The following ANOS1 variants were observed in gnomAD, a reference collection of about 807,000 sequenced individuals.
ANOS1 encodes the protein anosmin 1, also known as anosmin-1.
A neutral mutation model predicts 59.0 loss-of-function variants in ANOS1; 6 were observed. That is an observed-to-expected ratio of 0.10 (90% CI 0.06 to 0.20). The LOEUF (loss-of-function observed/expected upper bound fraction) is 0.20. Ranked by LOEUF, ANOS1 falls within the 10% of genes least tolerant of loss-of-function variation. The pLI is 1.00. For missense variants in ANOS1, 433 were observed against 542.3 expected, an observed-to-expected ratio of 0.80 and a Z score of 2.00; for synonymous variants, 217 against 223.4, an observed-to-expected ratio of 0.97 and a Z score of 0.25.
At chrX:8,705,800 C>A (rs1215818850) in intron 1 of ANOS1, among the ~76,000 whole-genome samples, 1 of 112,474 alleles carries the variant, frequency 8.9e-6, no homozygotes, top group African/African-American at 3.2e-5. Flanking sequence ...TGGCTTAAAG[C>A]CAACAAAGAT....
chrX:8,577,565 T>C (rs1216863921), intron 6 of ANOS1, among the ~76,000 whole-genome samples: 3 of 112,607 alleles, frequency 2.7e-5, no homozygotes, highest in African/African-American at 9.7e-5. Context: ...CAACGTAAAA[T>C]ATGCTAAATA....
At chrX:8,637,572 C>A (rs1244024107) in intron 2 of ANOS1, among the ~76,000 whole-genome samples, 2 of 112,045 alleles carry the variant, frequency 1.8e-5, no homozygotes, top group Non-Finnish European at 3.8e-5. Context: ...CAGCCAGCAG[C>A]CACATGGGGC....
In ANOS1 at chrX:8,532,657, C is replaced by T. The variant is rs1315997716; in HGVS notation, c.*338G>A. 4.1e-5 allele frequency: 7 copies of T among 172,331 alleles called. No homozygotes were observed. Among genetic ancestry groups the T allele is most frequent in the African/African-American group, 1.2e-4 (4 of 33,631 alleles). The allele number at this position is 172,331 out of a possible 1,213,427, so 14.2% of individuals were successfully genotyped here. The stretch of plus-strand genomic sequence containing the variant: ...GTATTTGTTACTCTCCTTTTTGGGG[C>T]GGAGTTTGGTGCTCCAAATTCAGGG... On this transcript the variant is annotated 3_prime_UTR_variant, in exon 14 of 14. Coordinates refer to ENST00000262648, the MANE Select transcript of ANOS1 (RefSeq NM_000216.4).
intron 6 of ANOS1, among the ~76,000 whole-genome samples, chrX:8,573,346 A>G (rs780753782): frequency 1.8e-5 from 2 of 111,025 alleles, no homozygotes; most frequent in Non-Finnish European, 3.8e-5. Context: ...TACAGATGTG[A>G]GCCACCACGC....
rs1221184223 is a variant in ANOS1 at position 8,604,464 on chromosome X, C to T, written c.319-7208G>A. Among the ~76,000 whole-genome samples the T allele has an allele frequency of 5.3e-5, 6 of 112,232 alleles. No individual in the cohort carries two copies. In the South Asian group the frequency reaches 1.8e-3, roughly 35 times the overall value. ...CATGTTTAGAAATAACCTGAATATTCAAAAATGCAATCTTACACTTCCTGG... is the reference window on the plus strand; with the variant it reads ...CATGTTTAGAAATAACCTGAATATTTAAAAATGCAATCTTACACTTCCTGG... On this transcript the variant is annotated intron_variant, in intron 3 of 13. Transcript: ENST00000262648.
chrX:8,588,356 T>C (rs183859057), intron 4 of ANOS1, among the ~76,000 whole-genome samples: 10 of 111,631 alleles, frequency 9.0e-5, no homozygotes, highest in Admixed American at 8.6e-4. Context: ...TAGGAGATCA[T>C]TATAAAGAGT....
chrX:8,571,433 T>C (rs1188483876), intron 6 of ANOS1, among the ~76,000 whole-genome samples: 2 of 111,881 alleles, frequency 1.8e-5, no homozygotes, highest in African/African-American at 6.5e-5. Context: ...ATAAAAGCAA[T>C]TGTTTTCATC....
intron 2 of ANOS1, among the ~76,000 whole-genome samples, chrX:8,668,110 G>C (rs1333593780): frequency 1.9e-5 from 2 of 107,860 alleles, no homozygotes; most frequent in East Asian, 2.9e-4. Context: ...GTGGTGATTT[G>C]TGAGATTTTG....
In ANOS1 at chrX:8,534,359, C is replaced by A. The variant is rs1333397224; in HGVS notation, c.1944G>T (p.Lys648Asn). The change falls in exon 13 of 14, where the codon AAG (lysine) becomes AAT (asparagine). Residue 648 changes from lysine (K) to asparagine (N), a missense_variant. Physicochemically the swap from Lys to Asn is moderately conservative, Grantham distance 94 (BLOSUM62 0). Coordinates refer to ENST00000262648, the MANE Select transcript of ANOS1 (RefSeq NM_000216.4). Reference protein sequence around the residue: ...TPGGEGPATIKTFRTPELPPS... With the variant: ...TPGGEGPATINTFRTPELPPS... ...GTGGGAGCTCCGGCGTCCGGAACGT[C>A]TTGATGGTGGCCGGCCCCTCCCCTC... 8.3e-7 allele frequency: 1 copy of A among 1,209,728 alleles called. No individual in the cohort carries two copies. Among genetic ancestry groups the A allele is most frequent in the Non-Finnish European group, 1.1e-6 (1 of 895,131 alleles).
At chrX:8,567,895 G>A (rs185715393) in intron 8 of ANOS1, among the ~76,000 whole-genome samples, 120 of 112,297 alleles carry the variant, frequency 1.1e-3, no homozygotes, top group African/African-American at 3.4e-3. Flanking sequence ...TTAACTGTAC[G>A]TAATCTCCTG....
chrX:8,665,070 G>C (rs1932112203), intron 2 of ANOS1, among the ~76,000 whole-genome samples: 1 of 111,784 alleles, frequency 8.9e-6, no homozygotes, highest in African/African-American at 3.3e-5. Flanking sequence ...GACAAGACAA[G>C]CCTGAAGCAT....
intron 9 of ANOS1, among the ~76,000 whole-genome samples, chrX:8,550,194 T>C (rs1472213029): frequency 8.9e-6 from 1 of 111,890 alleles, no homozygotes; most frequent in African/African-American, 3.2e-5. Context: ...ATATTTATAA[T>C]ATACCAACAA....
intron 2 of ANOS1, among the ~76,000 whole-genome samples, chrX:8,671,587 GTATATA>G (rs752088039): frequency 9.8e-6 from 1 of 102,230 alleles, no homozygotes. Flanking sequence ...ATGTGTATGA[GTATATA>G]TATATATATA....
Position 8,648,939 on chromosome X carries a change from G to C in ANOS1, c.256-25269C>G, listed in dbSNP as rs867830410. 7.2e-5 allele frequency among the ~76,000 whole-genome samples: 8 copies of C among 111,825 alleles called. No homozygotes were observed. In the South Asian group the frequency reaches 2.6e-3, roughly 37 times the overall value. The stretch of plus-strand genomic sequence containing the variant: ...TAGTAAAGAAAAATTGAATCCAAGA[G>C]AGAATAGCCACTTAGACACCTTTTC... On this transcript the variant is annotated intron_variant, in intron 2 of 13. Transcript: ENST00000262648.
chrX:8,597,633 ACT>A (rs1476430569), intron 3 of ANOS1, among the ~76,000 whole-genome samples: 1 of 82,984 alleles, frequency 1.2e-5, no homozygotes, highest in Admixed American at 1.4e-4. Flanking sequence ...ATAACACATC[ACT>A]CTCTTTAATT....
intron 1 of ANOS1, among the ~76,000 whole-genome samples, chrX:8,700,308 C>T (rs112503560): frequency 7.8e-4 from 86 of 110,744 alleles, no homozygotes; most frequent in African/African-American, 2.6e-3. Context: ...ACAATCATGG[C>T]GGAAGGCAAA....
intron 2 of ANOS1, among the ~76,000 whole-genome samples, chrX:8,666,062 T>G (rs1203205496): frequency 9.1e-6 from 1 of 109,754 alleles, no homozygotes; most frequent in African/African-American, 3.3e-5. Flanking sequence ...ATTAATTAGC[T>G]GGACATGGTG....
At chrX:8,703,938 C>T (rs1932768495) in intron 1 of ANOS1, among the ~76,000 whole-genome samples, 1 of 111,640 alleles carries the variant, frequency 9.0e-6, no homozygotes, top group Non-Finnish European at 1.9e-5. Context: ...GTGTTCCCAC[C>T]CAAATCTCAT....
chrX:8,687,186 A>G (rs1254753182), intron 2 of ANOS1, among the ~76,000 whole-genome samples: 3 of 111,168 alleles, frequency 2.7e-5, no homozygotes, highest in Non-Finnish European at 5.7e-5. Context: ...TAGCCGTGTA[A>G]TCAAGGCATA....
Sources: gnomAD v4.1 joint callset for allele counts (sites outside exome capture counted in the v4.1 genomes callset) on GRCh38, gnomAD v4.1.1 for gene constraint, MANE v1.5 for transcripts, NCBI Gene and HGNC (gene_info 2026-07-23, HGNC 2026-07-21) for gene names.